Variants in OTUD7A observed in about 807,000 individuals in gnomAD.
OTUD7A encodes OTU deubiquitinase 7A.
In OTUD7A, 12 loss-of-function variants were observed where a neutral mutation model predicts 65.7. That is an observed-to-expected ratio of 0.18 (90% CI 0.12 to 0.30). OTUD7A has a LOEUF of 0.30. OTUD7A is among the 10% of genes least tolerant of loss of function. The pLI, the probability that OTUD7A is intolerant of heterozygous loss-of-function variation, is 1.00. For synonymous variants in OTUD7A, 641 were observed against 586.3 expected, an observed-to-expected ratio of 1.09 and a Z score of -1.35; for missense variants, 1,148 against 1,304.8, an observed-to-expected ratio of 0.88 and a Z score of 1.85.
chr15:31,786,028 G>T (rs1438634052), intron 1 of OTUD7A, among the ~76,000 whole-genome samples: 2 of 152,060 alleles, frequency 1.3e-5, no homozygotes, highest in Non-Finnish European at 2.9e-5. Flanking sequence ...GGGTTATCAT[G>T]GGAGGGGAAA....
At chr15:31,563,058 C>T (rs1035399606) in intron 4 of OTUD7A, among the ~76,000 whole-genome samples, 3 of 152,106 alleles carry the variant, frequency 2.0e-5, no homozygotes, top group South Asian at 4.1e-4. Context: ...GGATAGAGTC[C>T]TATTTTTTTT....
chr15:31,602,274 T>C (rs140591865), intron 3 of OTUD7A, among the ~76,000 whole-genome samples: 1,904 of 152,302 alleles, frequency 0.013, 19 homozygotes, highest in Non-Finnish European at 0.02. Flanking sequence ...GTGGGCTTCA[T>C]CCCTGGGATG....
chr15:31,553,775 C>A (rs992432076), intron 5 of OTUD7A, among the ~76,000 whole-genome samples: 5 of 152,058 alleles, frequency 3.3e-5, no homozygotes, highest in Non-Finnish European at 7.4e-5. Context: ...GCACTACCAC[C>A]CCCACGACCC....
At chr15:31,544,825 T>C (rs925122026) in intron 5 of OTUD7A, among the ~76,000 whole-genome samples, 1 of 152,010 alleles carries the variant, frequency 6.6e-6, no homozygotes, top group Non-Finnish European at 1.5e-5. Context: ...AAAAGTACTA[T>C]ACCTAAGAAG....
At chr15:31,753,131 C>A (rs555027649) in intron 1 of OTUD7A, among the ~76,000 whole-genome samples, 1 of 152,232 alleles carries the variant, frequency 6.6e-6, no homozygotes, top group African/African-American at 2.4e-5. Flanking sequence ...CAGTTTGATG[C>A]CACAAGCTTG....
At chr15:31,760,759 G>A (rs1425798481) in intron 1 of OTUD7A, among the ~76,000 whole-genome samples, 1 of 151,926 alleles carries the variant, frequency 6.6e-6, no homozygotes, top group South Asian at 2.1e-4. Flanking sequence ...GGATAATCTC[G>A]AAAAACAAAG....
intron 1 of OTUD7A, among the ~76,000 whole-genome samples, chr15:31,733,014 A>G (rs1894088890): frequency 6.6e-6 from 1 of 152,176 alleles, no homozygotes; most frequent in African/African-American, 2.4e-5. Context: ...ATAAGAATTA[A>G]AACTCAGCCA....
At chr15:31,525,490 A>G (rs1175870584) in intron 8 of OTUD7A, among the ~76,000 whole-genome samples, 5 of 152,232 alleles carry the variant, frequency 3.3e-5, no homozygotes, top group Admixed American at 6.5e-5. Flanking sequence ...GAGCTGGCCC[A>G]TGAGGCACTA....
chr15:31,663,837 C>T (rs1892242290), intron 1 of OTUD7A, among the ~76,000 whole-genome samples: 1 of 152,068 alleles, frequency 6.6e-6, no homozygotes, highest in East Asian at 1.9e-4. Flanking sequence ...CCATCCTTCC[C>T]CCCAAGTCCC....
rs201054045 is a variant in OTUD7A, at chr15:31,828,741, GC to G, written c.-100+41765del. On this transcript the variant is annotated intron_variant, in intron 1 of 12. Coordinates refer to ENST00000307050, the MANE Select transcript of OTUD7A (RefSeq NM_001382637.1). ...CTGTCCTGGGAACCCATCTCCCTGAGCTTTTGGCCTTCAAGGGTAGCACTGG... is the reference window on the plus strand; with the variant it reads ...CTGTCCTGGGAACCCATCTCCCTGAGTTTTGGCCTTCAAGGGTAGCACTGG... Among the ~76,000 whole-genome samples the G allele has an allele frequency of 7.2e-3, 1,099 of 152,242 alleles. 4 individuals are homozygous for G. Among genetic ancestry groups the G allele is most frequent in the Non-Finnish European group, 0.012 (837 of 68,014 alleles).
At chr15:31,811,250 G>A (rs914750704) in intron 1 of OTUD7A, among the ~76,000 whole-genome samples, 24 of 152,150 alleles carry the variant, frequency 1.6e-4, no homozygotes, top group African/African-American at 3.9e-4. Context: ...GGTAGACAGA[G>A]GGAGAGATGT....
intron 3 of OTUD7A, among the ~76,000 whole-genome samples, chr15:31,642,569 T>G (rs1026663592): frequency 6.6e-6 from 1 of 151,602 alleles, no homozygotes; most frequent in Non-Finnish European, 1.5e-5. Context: ...CTTTAATAAA[T>G]ATAGACCTAT....
chr15:31,828,028 T>C, intron 1 of OTUD7A, among the ~76,000 whole-genome samples: 1 of 152,190 alleles, frequency 6.6e-6, no homozygotes, highest in East Asian at 1.9e-4. Flanking sequence ...TCAAGGAGGC[T>C]TCCTATTTTG....
At chr15:31,522,236 AT>A (rs1394610960) in intron 8 of OTUD7A, among the ~76,000 whole-genome samples, 6 of 152,180 alleles carry the variant, frequency 3.9e-5, no homozygotes, top group African/African-American at 1.4e-4. Flanking sequence ...TTTCACCAAT[AT>A]GGGTGGGGCT....
chr15:31,849,430 G>C (rs1212987624), intron 1 of OTUD7A, among the ~76,000 whole-genome samples: 4 of 152,146 alleles, frequency 2.6e-5, no homozygotes, highest in Non-Finnish European at 5.9e-5. Flanking sequence ...TTAAATGTTA[G>C]ACCTAAAACC....
intron 1 of OTUD7A, among the ~76,000 whole-genome samples, chr15:31,668,696 T>A (rs1892395514): frequency 6.6e-6 from 1 of 152,142 alleles, no homozygotes; most frequent in Non-Finnish European, 1.5e-5. Flanking sequence ...GGTGAACTAG[T>A]GTGATTTTTT....
chr15:31,762,163 T>A (rs1249945605), intron 1 of OTUD7A, among the ~76,000 whole-genome samples: 3 of 152,226 alleles, frequency 2.0e-5, no homozygotes. Flanking sequence ...TCAACCAAAT[T>A]GGTTTTTCAA....
intron 1 of OTUD7A, among the ~76,000 whole-genome samples, chr15:31,785,194 C>T (rs1031136685): frequency 1.3e-5 from 2 of 152,168 alleles, no homozygotes; most frequent in African/African-American, 4.8e-5. Flanking sequence ...TGGAACCAGA[C>T]CATGCAAGTA....
At chr15:31,601,678 T>C (rs1463350119) in intron 3 of OTUD7A, among the ~76,000 whole-genome samples, 2 of 152,146 alleles carry the variant, frequency 1.3e-5, no homozygotes, top group Non-Finnish European at 1.5e-5. Context: ...AGGAGCTAGT[T>C]TTTTGAAAAG....
Sources: gnomAD v4.1 joint callset for allele counts (sites outside exome capture counted in the v4.1 genomes callset) on GRCh38, gnomAD v4.1.1 for gene constraint, MANE v1.5 for transcripts, NCBI Gene and HGNC (gene_info 2026-07-23, HGNC 2026-07-21) for gene names.